CDH13: variants seen among roughly 807,000 people sequenced by gnomAD.
CDH13 encodes the protein cadherin 13.
CDH13 carries 24 observed loss-of-function variants against 63.8 expected under a neutral mutation model. The observed-to-expected ratio is 0.38, with a 90% confidence interval of 0.27 to 0.53. CDH13 has a LOEUF of 0.53. Among genes scored for constraint, CDH13 ranks in the 20% least tolerant of loss-of-function variants. The pLI, the probability that CDH13 is intolerant of heterozygous loss-of-function variation, is 0.85. For synonymous variants in CDH13, 503 were observed against 355.3 expected, an observed-to-expected ratio of 1.42 and a Z score of -4.67; for missense variants, 1,049 against 903.1, an observed-to-expected ratio of 1.16 and a Z score of -2.07.
intron 5 of CDH13, among the ~76,000 whole-genome samples, chr16:83,229,967 G>T (rs1164528515): frequency 2.0e-5 from 3 of 152,150 alleles, no homozygotes; most frequent in Non-Finnish European, 4.4e-5. Flanking sequence ...GATAGTCAGT[G>T]TTTGACAATA....
intron 6 of CDH13, among the ~76,000 whole-genome samples, chr16:83,376,848 G>T (rs1040884452): frequency 1.3e-5 from 2 of 152,140 alleles, no homozygotes; most frequent in African/African-American, 4.8e-5. Flanking sequence ...CTTTGATCCA[G>T]GCCTTAAGAA....
intron 10 of CDH13, chr16:83,739,896 G>A (rs1226716742): frequency 6.6e-6 from 1 of 152,212 alleles, no homozygotes; most frequent in African/African-American, 2.4e-5. Flanking sequence ...GATAGATGAG[G>A]TCACTGCCCC....
chr16:83,773,434 G>A (rs1399805432), intron 11 of CDH13, among the ~76,000 whole-genome samples: 1 of 152,170 alleles, frequency 6.6e-6, no homozygotes, highest in Admixed American at 6.5e-5. Flanking sequence ...CAAATGGGAA[G>A]CAAGGACCTT....
chr16:83,379,917 G>GTATA (rs1308698336), intron 6 of CDH13, among the ~76,000 whole-genome samples: 1 of 72,256 alleles, frequency 1.4e-5, no homozygotes, highest in Non-Finnish European at 2.7e-5. Context: ...ATATGTGTGT[G>GTATA]TGTATATATA....
chr16:82,837,367 G>A (rs2038812609), intron 1 of CDH13, among the ~76,000 whole-genome samples: 2 of 152,128 alleles, frequency 1.3e-5, no homozygotes, highest in Non-Finnish European at 2.9e-5. Flanking sequence ...CAGAACAAAT[G>A]AATGAAATTC....
At chr16:83,102,195 G>C (rs1029249409) in intron 3 of CDH13, among the ~76,000 whole-genome samples, 3 of 152,170 alleles carry the variant, frequency 2.0e-5, no homozygotes, top group Admixed American at 1.3e-4. Context: ...TCTTCCAGAA[G>C]GAACACAGTT....
intron 1 of CDH13, among the ~76,000 whole-genome samples, chr16:82,660,988 AC>A (rs796902728): frequency 2.6e-5 from 4 of 152,114 alleles, no homozygotes; most frequent in African/African-American, 9.6e-5. Context: ...CAAACCAAAC[AC>A]CCACCACCTT....
In CDH13 at chr16:82,848,026, A is replaced by G. The variant is rs1381976741; in HGVS notation, c.46-10336A>G. 2.6e-5 allele frequency among the ~76,000 whole-genome samples: 4 copies of G among 152,160 alleles called. No individual in the cohort carries two copies. In the South Asian group the frequency reaches 6.2e-4, roughly 24 times the overall value. On this transcript the variant is annotated intron_variant, in intron 1 of 13. Coordinates refer to ENST00000567109, the MANE Select transcript of CDH13 (RefSeq NM_001257.5). Reference sequence around the variant, plus strand: ...TTTCATTTGGGAAGAAAGACTTGCAATTTGGGGCATTTATGCAGATTAAAT... The same window carrying G: ...TTTCATTTGGGAAGAAAGACTTGCAGTTTGGGGCATTTATGCAGATTAAAT...
chr16:82,847,716 G>A (rs1017683616), intron 1 of CDH13, among the ~76,000 whole-genome samples: 4 of 152,216 alleles, frequency 2.6e-5, no homozygotes, highest in East Asian at 1.9e-4. Flanking sequence ...TTCTGTTTGC[G>A]TTATCTCATT....
intron 5 of CDH13, among the ~76,000 whole-genome samples, chr16:83,311,334 A>C (rs1330480000): frequency 6.6e-6 from 1 of 152,232 alleles, no homozygotes; most frequent in Non-Finnish European, 1.5e-5. Context: ...TGTTAAAAAA[A>C]AAAAATTAAA....
intron 8 of CDH13, among the ~76,000 whole-genome samples, chr16:83,623,295 C>G (rs1235391356): frequency 6.6e-6 from 1 of 152,180 alleles, no homozygotes; most frequent in Non-Finnish European, 1.5e-5. Context: ...CCCCAAATCA[C>G]TCCCCAGTCA....
Position 83,041,418 on chromosome 16 carries a change from A to G in CDH13, c.366+9200A>G, listed in dbSNP as rs1405839127. On this transcript the variant is annotated intron_variant, in intron 3 of 13. Transcript: ENST00000567109. Reference sequence around the variant, plus strand: ...GTTCCAAAAAAAAAATAAAAGGAGCAATCAGTAGAAGGAGCCACTTGGGAG... The same window carrying G: ...GTTCCAAAAAAAAAATAAAAGGAGCGATCAGTAGAAGGAGCCACTTGGGAG... 2.6e-5 allele frequency among the ~76,000 whole-genome samples: 4 copies of G among 152,280 alleles called. No individual in the cohort carries two copies. The East Asian group carries it at 7.7e-4, about 29-fold the overall frequency.
intron 6 of CDH13, among the ~76,000 whole-genome samples, chr16:83,379,274 A>G (rs2091513264): frequency 6.6e-6 from 1 of 152,198 alleles, no homozygotes; most frequent in Admixed American, 6.5e-5. Flanking sequence ...CAACTAAAAA[A>G]TATTAGATAC....
intron 5 of CDH13, among the ~76,000 whole-genome samples, chr16:83,248,073 G>A (rs1017616446): frequency 1.3e-5 from 2 of 152,138 alleles, no homozygotes; most frequent in Non-Finnish European, 2.9e-5. Context: ...ATTTCTGAGG[G>A]TCCCTCCTGA....
chr16:83,748,091 G>A lies in CDH13; in HGVS notation c.1539-17G>A, dbSNP rs1339520259. 1 of 1,613,730 alleles carries A rather than the reference G, an allele frequency of 6.2e-7. No homozygotes were observed. The highest frequency in any genetic ancestry group is 1.3e-5 in the African/African-American group (1 of 74,906). The stretch of plus-strand genomic sequence containing the variant: ...TACTTTGAATGCAGAGTCTGACATT[G>A]TGGGGATTTTTTTCAGGTATTCTGT... On this transcript the variant is annotated splice_polypyrimidine_tract_variant and intron_variant, in intron 10 of 13. Transcript: ENST00000567109.
At chr16:82,960,191 G>A (rs561545804) in intron 2 of CDH13, among the ~76,000 whole-genome samples, 13 of 152,256 alleles carry the variant, frequency 8.5e-5, no homozygotes, top group African/African-American at 2.9e-4. Context: ...GAGAGTCAAA[G>A]CATGGGTGGG....
chr16:83,031,425 G>C, intron 2 of CDH13, among the ~76,000 whole-genome samples: 1 of 144,394 alleles, frequency 6.9e-6, no homozygotes, highest in African/African-American at 2.7e-5. Flanking sequence ...CACGTATATG[G>C]TATATACATG....
intron 5 of CDH13, among the ~76,000 whole-genome samples, chr16:83,252,675 T>G (rs1905722719): frequency 6.6e-6 from 1 of 152,114 alleles, no homozygotes; most frequent in Non-Finnish European, 1.5e-5. Context: ...CGAAGGTGAT[T>G]ACCTTCTTAG....
At chr16:83,513,755 G>A (rs1264082935) in intron 7 of CDH13, among the ~76,000 whole-genome samples, 1 of 152,062 alleles carries the variant, frequency 6.6e-6, no homozygotes, top group African/African-American at 2.4e-5. Context: ...GGGGATTATG[G>A]GAACTACAAT....
Sources: gnomAD v4.1 joint callset for allele counts (sites outside exome capture counted in the v4.1 genomes callset) on GRCh38, gnomAD v4.1.1 for gene constraint, MANE v1.5 for transcripts, NCBI Gene and HGNC (gene_info 2026-07-23, HGNC 2026-07-21) for gene names.